ZNF143: variants seen among roughly 807,000 people sequenced by gnomAD.
ZNF143 encodes the protein zinc finger protein 143, also known as SPH-binding factor.
A neutral mutation model predicts 74.1 loss-of-function variants in ZNF143; 49 were observed. The observed-to-expected ratio is 0.66, with a 90% CI of 0.53 to 0.84. The LOEUF is 0.84. Among genes scored for constraint, ZNF143 ranks in the 40% least tolerant of loss-of-function variants. The pLI is 0.00. For missense variants in ZNF143, 637 were observed against 793.4 expected, an observed-to-expected ratio of 0.80 and a Z score of 2.37; for synonymous variants, 304 against 282.8, an observed-to-expected ratio of 1.07 and a Z score of -0.75.
chr11:9,500,940 C>A (rs570547109), intron 10 of ZNF143, 151 bp from the exon 11 acceptor site: 2 of 834,036 alleles, frequency 2.4e-6, no homozygotes, highest in Non-Finnish European at 3.7e-6. Context: ...GATGCTGTTT[C>A]CCCAACCCCC....
intron 7 of ZNF143, among the ~76,000 whole-genome samples, chr11:9,485,382 A>G (rs1047501935): frequency 4.7e-5 from 5 of 106,272 alleles, no homozygotes; most frequent in African/African-American, 7.9e-5. Flanking sequence ...AAGTCTCGCT[A>G]TGTCACCCAG....
rs771420487 is a variant in ZNF143, at chr11:9,512,472, G to C, written c.1400G>C (p.Gly467Ala). ...GGTCAAGGTGAAGATGTTCTTAAAG[G>C]GTCCCAGATTACGTATGTTACAGGT... The part of the protein sequence containing the change: ...PPGQGEDVLK[G>A]SQITYVTGVE... The change falls in exon 13 of 16, where the codon GGG becomes GCG. Residue 467 changes from glycine to alanine, a missense_variant. By Grantham distance (60) the Gly-to-Ala change is moderately conservative. Coordinates refer to ENST00000396602, the MANE Select transcript of ZNF143 (RefSeq NM_003442.6). The C allele has an allele frequency of 1.9e-6, 3 of 1,614,014 alleles. No homozygotes were observed. The highest frequency in any genetic ancestry group is 2.2e-5 in the South Asian group (2 of 91,080).
intron 7 of ZNF143, among the ~76,000 whole-genome samples, chr11:9,487,701 C>T (rs1847614124): frequency 1.3e-5 from 2 of 152,172 alleles, no homozygotes; most frequent in Admixed American, 1.3e-4. Flanking sequence ...GTTTAAATAC[C>T]AGTGAAGTCA....
chr11:9,527,151 G>T (rs1005896966), intron 15 of ZNF143, among the ~76,000 whole-genome samples: 15 of 151,242 alleles, frequency 9.9e-5, no homozygotes, highest in African/African-American at 3.4e-4. Context: ...TATTTTTTTA[G>T]TAGAGATGGG....
In ZNF143 at chr11:9,502,635, G is replaced by T. The variant is rs373745898; in HGVS notation, c.1147+1365G>T. On this transcript the variant is annotated intron_variant, in intron 11 of 15. Coordinates refer to ENST00000396602, the MANE Select transcript of ZNF143 (RefSeq NM_003442.6). ...AAAAAAAAAAAAAGTATGTGTTTCA[G>T]TGTTTTTTAGTATATTCACAAGGTT... is the stretch of plus-strand genomic sequence containing the variant. Among the ~76,000 whole-genome samples the T allele has an allele frequency of 2.3e-4, 35 of 151,440 alleles. 1 individual carries two copies. The highest frequency in any genetic ancestry group is 8.0e-4 in the African/African-American group (33 of 41,292).
At chr11:9,513,958 T>C (rs1313832965) in intron 13 of ZNF143, among the ~76,000 whole-genome samples, 1 of 152,244 alleles carries the variant, frequency 6.6e-6, no homozygotes, top group African/African-American at 2.4e-5. Context: ...AGTGTTTGTT[T>C]GTGTGGTTTT....
intron 11 of ZNF143, among the ~76,000 whole-genome samples, chr11:9,507,049 G>C (rs958517458): frequency 6.6e-6 from 1 of 152,138 alleles, no homozygotes; most frequent in Non-Finnish European, 1.5e-5. Flanking sequence ...ACCAAAATAA[G>C]AACATTAACC....
chr11:9,506,576 G>C (rs1325892159), intron 11 of ZNF143, among the ~76,000 whole-genome samples: 1 of 152,176 alleles, frequency 6.6e-6, no homozygotes, highest in African/African-American at 2.4e-5. Context: ...AATTGTACTG[G>C]GGTGAGGCCC....
intron 14 of ZNF143, among the ~76,000 whole-genome samples, chr11:9,524,617 C>T (rs1450621995): frequency 6.6e-6 from 1 of 152,058 alleles, no homozygotes; most frequent in Non-Finnish European, 1.5e-5. Context: ...TTGCCATTTT[C>T]CATGTTATCT....
chr11:9,523,515 C>T (rs916339312), intron 14 of ZNF143, among the ~76,000 whole-genome samples: 12 of 149,986 alleles, frequency 8.0e-5, no homozygotes, highest in Admixed American at 7.3e-4. Flanking sequence ...GGGCGGATCA[C>T]GAGGTCAGGA....
At chr11:9,474,912 A>G (rs1856787996) in intron 5 of ZNF143, among the ~76,000 whole-genome samples, 1 of 152,234 alleles carries the variant, frequency 6.6e-6, no homozygotes, top group Admixed American at 6.5e-5. Flanking sequence ...TCTAAGAGAC[A>G]GGGTCTCACT....
chr11:9,523,964 C>T (rs1379738049), intron 14 of ZNF143, among the ~76,000 whole-genome samples: 4 of 148,918 alleles, frequency 2.7e-5, no homozygotes, highest in African/African-American at 7.4e-5. Flanking sequence ...AGAAGAATCG[C>T]TTGAACCTGG....
intron 1 of ZNF143, among the ~76,000 whole-genome samples, chr11:9,468,228 G>A (rs901497092): frequency 6.6e-6 from 1 of 152,132 alleles, no homozygotes; most frequent in Non-Finnish European, 1.5e-5. Flanking sequence ...TTTAAGAGAG[G>A]TGTTTTTTGT....
At chr11:9,519,738 T>C (rs1848845389) in intron 14 of ZNF143, among the ~76,000 whole-genome samples, 1 of 152,214 alleles carries the variant, frequency 6.6e-6, no homozygotes, top group Admixed American at 6.5e-5. Context: ...GATAAATACC[T>C]ATTTGTGGAA....
intron 14 of ZNF143, among the ~76,000 whole-genome samples, chr11:9,521,151 A>T (rs984514959): frequency 1.3e-5 from 2 of 152,212 alleles, no homozygotes; most frequent in Non-Finnish European, 2.9e-5. Flanking sequence ...TACACATCAC[A>T]ATCACCCAGA....
chr11:9,489,469 A>G (rs866505447), intron 7 of ZNF143, among the ~76,000 whole-genome samples: 3 of 152,146 alleles, frequency 2.0e-5, no homozygotes, highest in Middle Eastern at 3.2e-3. Flanking sequence ...AAACAAGTAC[A>G]TTTTTGGAAA....
Position 9,473,998 on chromosome 11 carries a change from T to C in ZNF143, c.263T>C (p.Val88Ala). ...TTGGAAGATGGTTCTGCGGCCTATG[T>C]TCAACATGTACCCATACCTAAAAGT... ...IQLEDGSAAYVQHVPIPKSTG... is the reference protein window; with the variant it reads ...IQLEDGSAAYAQHVPIPKSTG... Residue 88 changes from valine (V) to alanine (A), a missense_variant, in exon 4 of 16, where the codon GTT (valine) becomes GCT (alanine). By Grantham distance (64) the Val-to-Ala change is moderately conservative. Transcript: ENST00000396602. 4.3e-6 allele frequency: 7 copies of C among 1,613,782 alleles called. No homozygotes were observed. The highest frequency in any genetic ancestry group is 4.2e-6 in the Non-Finnish European group (5 of 1,179,756).
chr11:9,468,611 C>T (rs1417817124), intron 1 of ZNF143, among the ~76,000 whole-genome samples: 2 of 152,186 alleles, frequency 1.3e-5, no homozygotes, highest in Non-Finnish European at 2.9e-5. Flanking sequence ...ATCTCATTTG[C>T]TAGCACGTTC....
At chr11:9,491,979 T>C (rs1847798634) in intron 7 of ZNF143, among the ~76,000 whole-genome samples, 1 of 152,140 alleles carries the variant, frequency 6.6e-6, no homozygotes, top group African/African-American at 2.4e-5. Flanking sequence ...AGTTTTGCTC[T>C]TATTGCCCAG....
Sources: gnomAD v4.1 joint callset for allele counts (sites outside exome capture counted in the v4.1 genomes callset) on GRCh38, gnomAD v4.1.1 for gene constraint, MANE v1.5 for transcripts, NCBI Gene and HGNC (gene_info 2026-07-23, HGNC 2026-07-21) for gene names.